EXOC6: variants seen among roughly 807,000 people sequenced by gnomAD.
EXOC6 encodes the protein exocyst complex component 6.
Under a neutral mutation model 112.5 loss-of-function variants are expected in EXOC6, and 60 were observed. That is an observed-to-expected ratio of 0.53 (90% CI 0.43 to 0.66). The LOEUF is 0.66. Ranked by LOEUF, EXOC6 falls within the 30% of genes least tolerant of loss-of-function variation. The pLI is 0.00. For missense variants in EXOC6, 855 were observed against 957.1 expected, an observed-to-expected ratio of 0.89 and a Z score of 1.41; for synonymous variants, 295 against 308.0, an observed-to-expected ratio of 0.96 and a Z score of 0.44.
At chr10:93,020,133 A>G (rs1247989013) in intron 20 of EXOC6, among the ~76,000 whole-genome samples, 1 of 152,184 alleles carries the variant, frequency 6.6e-6, no homozygotes, top group Non-Finnish European at 1.5e-5. Flanking sequence ...AGCCTTGTCC[A>G]TTATTTTTGA....
intron 9 of EXOC6, among the ~76,000 whole-genome samples, chr10:92,932,278 G>A (rs1404726840): frequency 1.3e-5 from 2 of 152,070 alleles, no homozygotes; most frequent in Non-Finnish European, 2.9e-5. Flanking sequence ...ATCAGTGGTG[G>A]CCAAGGGCTA....
intron 1 of EXOC6, among the ~76,000 whole-genome samples, chr10:92,850,963 A>C (rs1057321345): frequency 2.0e-5 from 3 of 152,230 alleles, no homozygotes; most frequent in African/African-American, 7.2e-5. Context: ...GTTAAAAAAA[A>C]CAAAAAAACA....
intron 13 of EXOC6, among the ~76,000 whole-genome samples, chr10:92,947,757 T>G (rs555616501): frequency 6.6e-6 from 1 of 152,078 alleles, no homozygotes; most frequent in African/African-American, 2.4e-5. Context: ...AAAATAAAAT[T>G]AGCCAGGCGT....
chr10:92,929,346 T>C (rs189353996), intron 9 of EXOC6, among the ~76,000 whole-genome samples: 1 of 152,360 alleles, frequency 6.6e-6, no homozygotes, highest in Admixed American at 6.5e-5. Flanking sequence ...CATACATGGA[T>C]AGTCAAAGAC....
chr10:92,869,549 A>G (rs1848338106), intron 1 of EXOC6, among the ~76,000 whole-genome samples: 1 of 152,028 alleles, frequency 6.6e-6, no homozygotes, highest in East Asian at 1.9e-4. Context: ...ACCTCAAGTG[A>G]TCCTCCTTAC....
At chr10:92,992,502 T>C (rs577380718) in intron 18 of EXOC6, among the ~76,000 whole-genome samples, 88 of 152,210 alleles carry the variant, frequency 5.8e-4, no homozygotes, top group African/African-American at 2.1e-3. Flanking sequence ...ATTTGTGAAA[T>C]AATCTTGGGG....
chr10:92,983,598 G>A (rs536437735), intron 18 of EXOC6, among the ~76,000 whole-genome samples: 4 of 149,848 alleles, frequency 2.7e-5, no homozygotes, highest in Non-Finnish European at 5.9e-5. Context: ...TCCTCCTTCC[G>A]GGTTCAAGTT....
At chr10:92,876,892 C>A (rs61860834) in intron 1 of EXOC6, among the ~76,000 whole-genome samples, 1 of 152,202 alleles carries the variant, frequency 6.6e-6, no homozygotes, top group Non-Finnish European at 1.5e-5. Flanking sequence ...CCTACTTTCC[C>A]TTTTCATTCA....
intron 20 of EXOC6, among the ~76,000 whole-genome samples, chr10:93,033,081 G>T (rs759113132): frequency 1.3e-5 from 2 of 152,146 alleles, no homozygotes; most frequent in Non-Finnish European, 2.9e-5. Flanking sequence ...AAGGCCTTGA[G>T]GGTTTTGTTA....
At chr10:92,898,496 T>C (rs979454492) in intron 4 of EXOC6, among the ~76,000 whole-genome samples, 1 of 152,058 alleles carries the variant, frequency 6.6e-6, no homozygotes, top group East Asian at 1.9e-4. Context: ...TTTTTACTGT[T>C]TTTGAGGAAA....
At chr10:92,946,355 C>T (rs1260848159) in intron 13 of EXOC6, among the ~76,000 whole-genome samples, 1 of 151,872 alleles carries the variant, frequency 6.6e-6, no homozygotes, top group Non-Finnish European at 1.5e-5. Context: ...AATTGCACCA[C>T]CGCACTCCAG....
chr10:92,909,542 A>G lies in EXOC6; in HGVS notation c.574A>G (p.Ile192Val), dbSNP rs1368514220. The G allele has an allele frequency of 1.2e-6, 2 of 1,613,476 alleles. No individual in the cohort carries two copies. The highest frequency in any genetic ancestry group is 1.7e-5 in the Admixed American group (1 of 60,010). ...AAATCTTCCCAAACTCCGTGAGGATATTAAAGAAATCTCCATGTCTGATCT... is the reference window on the plus strand; with the variant it reads ...AAATCTTCCCAAACTCCGTGAGGATGTTAAAGAAATCTCCATGTCTGATCT... Reference protein sequence around the residue: ...IENLPKLREDIKEISMSDLKD... With the variant: ...IENLPKLREDVKEISMSDLKD... The change falls in exon 6 of 22, where the codon ATT becomes GTT. Residue 192 changes from isoleucine to valine, a missense_variant. Around this residue, in one of 2 missense-constraint regions of EXOC6, gnomAD observed 405 missense variants for 393.6 expected, o/e 1.03. Transcript: ENST00000260762.
chr10:92,934,262 A>C (rs144467583), intron 10 of EXOC6, 48 bp from the exon 11 acceptor site: 6 of 1,543,922 alleles, frequency 3.9e-6, no homozygotes, highest in Middle Eastern at 1.7e-4. Flanking sequence ...CTTACTTTCT[A>C]TTAGGGTTTT....
intron 19 of EXOC6, among the ~76,000 whole-genome samples, chr10:93,007,962 T>G (rs1376312115): frequency 2.0e-5 from 3 of 152,088 alleles, no homozygotes; most frequent in Non-Finnish European, 4.4e-5. Flanking sequence ...TCACCTGAGG[T>G]CAGGAGTTTG....
At chr10:92,883,648 G>T (rs1011510170) in intron 1 of EXOC6, among the ~76,000 whole-genome samples, 2 of 152,016 alleles carry the variant, frequency 1.3e-5, no homozygotes, top group Non-Finnish European at 2.9e-5. Context: ...TTGAAGAACT[G>T]GTGAAATAAT....
At chr10:92,970,964 T>C (rs537461810) in intron 17 of EXOC6, among the ~76,000 whole-genome samples, 15 of 152,356 alleles carry the variant, frequency 9.8e-5, no homozygotes, top group African/African-American at 3.6e-4. Flanking sequence ...GTACAATAGA[T>C]GTCTGGTAGG....
intron 20 of EXOC6, among the ~76,000 whole-genome samples, chr10:93,039,704 ACTC>A (rs1845674128): frequency 6.6e-6 from 1 of 151,266 alleles, no homozygotes; most frequent in Non-Finnish European, 1.5e-5. Context: ...TCCTTACTCT[ACTC>A]CTTCTCACCT....
At chr10:92,948,573 CACT>C (rs71028860) in intron 14 of EXOC6, among the ~76,000 whole-genome samples, 194 bp downstream of exon 14, 2,119 of 140,156 alleles carry the variant, frequency 0.015, 50 homozygotes, top group African/African-American at 0.046. Context: ...CTACTACTAC[CACT>C]ACTACTACTA....
At chr10:92,884,958 G>A (rs1849139969) in intron 1 of EXOC6, among the ~76,000 whole-genome samples, 1 of 152,040 alleles carries the variant, frequency 6.6e-6, no homozygotes, top group Non-Finnish European at 1.5e-5. Flanking sequence ...AATTCAAGTG[G>A]CCGTAGTTTC....
Sources: allele counts gnomAD v4.1 joint callset (sites outside exome capture counted in the v4.1 genomes callset), GRCh38; gene constraint gnomAD v4.1.1; regional missense constraint gnomAD v4.1.1; transcripts MANE v1.5; gene names NCBI Gene and HGNC (gene_info 2026-07-23, HGNC 2026-07-21).